The following CPLX2 variants were observed in gnomAD, a reference collection of about 807,000 sequenced individuals.
CPLX2 encodes the protein complexin-2.
In CPLX2, 5 loss-of-function variants were observed where a neutral mutation model predicts 16.3. The observed-to-expected ratio is 0.31, with a 90% CI of 0.16 to 0.64. CPLX2 has a LOEUF of 0.64. CPLX2 is among the 30% of genes least tolerant of loss of function. The pLI is 0.79. For missense variants in CPLX2, 144 were observed against 181.4 expected (o/e 0.79, Z 1.18); for synonymous variants, 89 against 73.2 (o/e 1.22, Z -1.10).
chr5:175,833,156 C>CAAAAAAAAA (rs945794215), intron 2 of CPLX2, among the ~76,000 whole-genome samples: 7 of 137,626 alleles, frequency 5.1e-5, no homozygotes, highest in African/African-American at 1.1e-4. Context: ...AACTCCATCT[C>CAAAAAAAAA]AAAAAAAAAA....
intron 2 of CPLX2, among the ~76,000 whole-genome samples, chr5:175,810,910 G>A (rs532256732): frequency 6.6e-6 from 1 of 152,308 alleles, no homozygotes; most frequent in East Asian, 1.9e-4. Context: ...CATATAGAAT[G>A]TATTGGTTTA....
chr5:175,797,045 C>G (rs1041425589), intron 1 of CPLX2, among the ~76,000 whole-genome samples: 11 of 152,212 alleles, frequency 7.2e-5, no homozygotes, highest in African/African-American at 2.7e-4. Context: ...AGCACTGCAG[C>G]GGCGGACAGC....
chr5:175,821,377 CCTT>C (rs1199171198), intron 2 of CPLX2, among the ~76,000 whole-genome samples: 1 of 152,096 alleles, frequency 6.6e-6, no homozygotes, highest in Non-Finnish European at 1.5e-5. Context: ...CTGTTACTCT[CCTT>C]CTCCTAAATT....
intron 2 of CPLX2, among the ~76,000 whole-genome samples, chr5:175,815,131 T>C (rs1023470830): frequency 2.0e-5 from 3 of 152,192 alleles, no homozygotes; most frequent in Non-Finnish European, 4.4e-5. Flanking sequence ...CCCTGAGGCC[T>C]CCTTTCTCCT....
At chr5:175,867,028 T>C (rs1477081303), upstream of CPLX2, among the ~76,000 whole-genome samples, 2 of 152,084 alleles carry the variant, frequency 1.3e-5, no homozygotes, top group Non-Finnish European at 2.9e-5. Context: ...TGAGCTATGA[T>C]TGTACCACTG....
At chr5:175,836,411 G>A (rs889208377) in intron 2 of CPLX2, among the ~76,000 whole-genome samples, 5 of 152,092 alleles carry the variant, frequency 3.3e-5, no homozygotes, top group Non-Finnish European at 5.9e-5. Context: ...AAAGAATAAG[G>A]TGAAGCACTG....
intron 2 of CPLX2, among the ~76,000 whole-genome samples, chr5:175,864,249 G>C (rs909670513): frequency 2.6e-5 from 4 of 152,184 alleles, no homozygotes; most frequent in Non-Finnish European, 4.4e-5. Flanking sequence ...GAGAATTAGT[G>C]AGATTTAACT....
intron 2 of CPLX2, among the ~76,000 whole-genome samples, chr5:175,855,616 C>A (rs1263057937): frequency 6.6e-6 from 1 of 152,166 alleles, no homozygotes; most frequent in Non-Finnish European, 1.5e-5. Flanking sequence ...CTTTCCTTTG[C>A]GGCAGGCTCT....
At chr5:175,839,440 C>T (rs1296637943) in intron 2 of CPLX2, among the ~76,000 whole-genome samples, 2 of 152,082 alleles carry the variant, frequency 1.3e-5, no homozygotes, top group Non-Finnish European at 2.9e-5. Flanking sequence ...CATGCACCAC[C>T]ATGCCCGGCT....
chr5:175,879,922 G>A lies in CPLX2; in HGVS notation c.282G>A (p.Leu94=). 6.2e-7 allele frequency: 1 copy of A among 1,613,972 alleles called. No individual in the cohort carries two copies. Among genetic ancestry groups the A allele is most frequent in the African/African-American group, 1.3e-5 (1 of 75,024 alleles). Residue 94 remains leucine, a synonymous_variant, in exon 4 of 4, where the codon CTG becomes CTA. Transcript: ENST00000393745. ...TGGAGCAGCCCTGCGAGGGGAGCCT[G>A]ACCCGGCCCAAGAAGGCCATCCCTG... ...AALEQPCEGS[L]TRPKKAIPAG...
At chr5:175,810,882 T>C (rs1312350953) in intron 2 of CPLX2, among the ~76,000 whole-genome samples, 1 of 151,328 alleles carries the variant, frequency 6.6e-6, no homozygotes, top group Non-Finnish European at 1.5e-5. Flanking sequence ...AAATATTCAT[T>C]AATCCACTCT....
At chr5:175,858,344 C>A (rs1438457093) in intron 2 of CPLX2, among the ~76,000 whole-genome samples, 1 of 152,214 alleles carries the variant, frequency 6.6e-6, no homozygotes, top group Non-Finnish European at 1.5e-5. Context: ...CCTTCCCAGC[C>A]CCCTGCAGCG....
chr5:175,854,832 C>T (rs755125657), intron 2 of CPLX2, among the ~76,000 whole-genome samples: 14 of 152,072 alleles, frequency 9.2e-5, no homozygotes, highest in South Asian at 2.1e-4. Flanking sequence ...ACAGTGGGAG[C>T]GAAAAAATTA....
intron 2 of CPLX2, among the ~76,000 whole-genome samples, chr5:175,810,220 G>T (rs1758286065): frequency 6.6e-6 from 1 of 152,178 alleles, no homozygotes; most frequent in Admixed American, 6.5e-5. Context: ...CACCCTTAGG[G>T]ATCATCTTGT....
At chr5:175,861,359 T>C (rs1446734183) in intron 2 of CPLX2, among the ~76,000 whole-genome samples, 1 of 152,168 alleles carries the variant, frequency 6.6e-6, no homozygotes. Context: ...TGGAGGGCTC[T>C]GCAGCAGGGA....
intron 1 of CPLX2, chr5:175,805,641 G>C (rs1758184763): frequency 6.6e-6 from 1 of 152,362 alleles, no homozygotes; most frequent in South Asian, 2.1e-4. Flanking sequence ...GTGGTCAGGG[G>C]GCATCCCAGC....
At chr5:175,855,445 A>C (rs1031127204) in intron 2 of CPLX2, among the ~76,000 whole-genome samples, 3 of 152,220 alleles carry the variant, frequency 2.0e-5, no homozygotes, top group Non-Finnish European at 4.4e-5. Context: ...TGATAGAAAA[A>C]CAAATGTAAA....
In CPLX2 at chr5:175,872,429, G is replaced by A. The variant is rs570966962; in HGVS notation, c.-89+724G>A. ...CCTTCCCCAGCAAAGTTTGAAACCGGGCCGGGTCTTGGGGTTGGAGCTATG... is the reference window on the plus strand; with the variant it reads ...CCTTCCCCAGCAAAGTTTGAAACCGAGCCGGGTCTTGGGGTTGGAGCTATG... On this transcript the variant is annotated intron_variant, in intron 1 of 3. Coordinates refer to ENST00000393745, the MANE Select transcript of CPLX2 (RefSeq NM_001008220.2). This position sits in a 1 kb window ranked among gnomAD's most constrained non-coding sequence, Gnocchi z 5.0. Among the ~76,000 whole-genome samples the A allele has an allele frequency of 1.1e-3, 173 of 152,228 alleles. No homozygotes were observed. The highest frequency in any genetic ancestry group is 4.0e-3 in the African/African-American group (166 of 41,540).
intron 1 of CPLX2, among the ~76,000 whole-genome samples, chr5:175,799,376 C>T (rs1031304078): frequency 9.2e-5 from 14 of 151,716 alleles, no homozygotes; most frequent in African/African-American, 3.4e-4. Flanking sequence ...GAGACCAGAA[C>T]CGAGATCTTT....
Sources: gnomAD v4.1 joint callset for allele counts (sites outside exome capture counted in the v4.1 genomes callset) on GRCh38, gnomAD v4.1.1 for gene constraint, Gnocchi (gnomAD v3.1) non-coding constraint, MANE v1.5 for transcripts, NCBI Gene and HGNC (gene_info 2026-07-23, HGNC 2026-07-21) for gene names.